Variants in RFPL1 observed in about 807,000 individuals in gnomAD.
RFPL1 encodes the protein ret finger protein like 1.
In RFPL1, 6 loss-of-function variants were observed where a neutral mutation model predicts 9.6. The observed-to-expected ratio is 0.62, with a 90% CI of 0.34 to 1.23. The LOEUF (loss-of-function observed/expected upper bound fraction) is 1.23, where lower values mean the gene tolerates loss of function less well. Ranked by LOEUF, RFPL1 falls within the 50% of genes most tolerant of loss-of-function variation. The pLI is 0.03. For missense variants in RFPL1, 352 were observed against 398.4 expected (o/e 0.88, Z 0.99); for synonymous variants, 145 against 149.4 (o/e 0.97, Z 0.22).
chr22:29,426,987 C>A, the RFPL1 span, among the ~76,000 whole-genome samples: 7 of 152,182 alleles, frequency 4.6e-5, no homozygotes, highest in Non-Finnish European at 1.0e-4. Context: ...GCCTTTACAT[C>A]CATGAAATGG....
chr22:29,427,312 G>A, the RFPL1 span, among the ~76,000 whole-genome samples: 1 of 152,232 alleles, frequency 6.6e-6, no homozygotes, highest in Non-Finnish European at 1.5e-5. Context: ...GGCACAAGGT[G>A]GGGGCTGAGC....
At chr22:29,433,149 C>T in the RFPL1 span, among the ~76,000 whole-genome samples, 1 of 151,762 alleles carries the variant, frequency 6.6e-6, no homozygotes, top group Admixed American at 6.6e-5. Flanking sequence ...AAAAATTAGC[C>T]GGGTGCTGTG....
chr22:29,405,002 T>G, the RFPL1 span, among the ~76,000 whole-genome samples: 1 of 152,168 alleles, frequency 6.6e-6, no homozygotes, highest in East Asian at 1.9e-4. Flanking sequence ...AATGTCAGGA[T>G]TACAGCCATG....
At chr22:29,420,626 GTTTTTTGCTTTTTTTTTT>G in the RFPL1 span, among the ~76,000 whole-genome samples, 10 of 82,588 alleles carry the variant, frequency 1.2e-4, no homozygotes, top group Admixed American at 3.2e-4. Context: ...ACTGCAGATG[GTTTTTTGCTTTTTTTTTT>G]TTTTTTTTTT....
the RFPL1 span, among the ~76,000 whole-genome samples, chr22:29,423,744 G>T: frequency 6.6e-6 from 1 of 152,168 alleles, no homozygotes; most frequent in Non-Finnish European, 1.5e-5. Flanking sequence ...AAAGGCTAGG[G>T]AGACTTCTCC....
At chr22:29,419,249 C>T in the RFPL1 span, 52 of 1,465,064 alleles carry the variant, frequency 3.5e-5, 1 homozygote, top group South Asian at 3.1e-4. Flanking sequence ...GCCTTCAGCT[C>T]GAAGATCTCC....
At chr22:29,424,840 C>T in the RFPL1 span, among the ~76,000 whole-genome samples, 1 of 113,454 alleles carries the variant, frequency 8.8e-6, no homozygotes, top group Non-Finnish European at 1.8e-5. Context: ...CCCACCCCCC[C>T]CCCCGCAAAA....
chr22:29,427,897 T>A, the RFPL1 span, among the ~76,000 whole-genome samples: 1 of 152,212 alleles, frequency 6.6e-6, no homozygotes, highest in African/African-American at 2.4e-5. Context: ...ACAACCTTGA[T>A]GTTACTCTAC....
At chr22:29,426,936 A>G in the RFPL1 span, among the ~76,000 whole-genome samples, 3 of 152,118 alleles carry the variant, frequency 2.0e-5, no homozygotes, top group African/African-American at 7.2e-5. Flanking sequence ...GGCCATTGAG[A>G]AGGTGGAGAC....
chr22:29,426,578 A>ACT, the RFPL1 span, among the ~76,000 whole-genome samples: 23 of 151,790 alleles, frequency 1.5e-4, no homozygotes, highest in African/African-American at 5.3e-4. Context: ...ATGGTGAAAC[A>ACT]CTCTCTCTCC....
chr22:29,406,463 T>C, the RFPL1 span, among the ~76,000 whole-genome samples: 4 of 152,070 alleles, frequency 2.6e-5, no homozygotes, highest in East Asian at 7.7e-4. Flanking sequence ...ACAGAGGGGT[T>C]CATTTCACTC....
At chr22:29,399,237 T>G in the RFPL1 span, among the ~76,000 whole-genome samples, 1 of 149,154 alleles carries the variant, frequency 6.7e-6, no homozygotes, top group Admixed American at 6.9e-5. Flanking sequence ...TTTGTTTTTT[T>G]AAATGTGCTC....
chr22:29,399,055 AT>A, the RFPL1 span, among the ~76,000 whole-genome samples: 1 of 152,232 alleles, frequency 6.6e-6, no homozygotes, highest in African/African-American at 2.4e-5. Context: ...GGGCACAGGT[AT>A]TGAATGACTA....
exon 2 of RFPL1, chr22:29,441,966 T>C (rs1338391724): frequency 6.2e-7 from 1 of 1,614,028 alleles, no homozygotes; most frequent in African/African-American, 1.3e-5. Context: ...GTGGTTCCCA[T>C]GTCTATACAT....
At chr22:29,398,654 A>G in the RFPL1 span, among the ~76,000 whole-genome samples, 5 of 152,186 alleles carry the variant, frequency 3.3e-5, no homozygotes, top group African/African-American at 9.7e-5. Flanking sequence ...CGGGGCTGCT[A>G]TGTGGCCTAA....
At chr22:29,420,129 A>T in the RFPL1 span, among the ~76,000 whole-genome samples, 1 of 152,208 alleles carries the variant, frequency 6.6e-6, no homozygotes, top group Non-Finnish European at 1.5e-5. Context: ...TCAGGATTTC[A>T]CTTCCTGAGA....
the RFPL1 span, among the ~76,000 whole-genome samples, chr22:29,389,830 G>T: frequency 6.6e-6 from 1 of 150,976 alleles, no homozygotes; most frequent in Non-Finnish European, 1.5e-5. Flanking sequence ...ACAGGGTCTC[G>T]CTCTGTTGCC....
At chr22:29,387,953 C>G in the RFPL1 span, among the ~76,000 whole-genome samples, 1 of 152,228 alleles carries the variant, frequency 6.6e-6, no homozygotes, top group Non-Finnish European at 1.5e-5. Flanking sequence ...GTCTTAGAGG[C>G]TCCAACAAAC....
chr22:29,440,750 TG>T (rs2062834505), intron 1 of RFPL1: 1 of 151,886 alleles, frequency 6.6e-6, no homozygotes, highest in Admixed American at 6.6e-5. Flanking sequence ...TTTTTTTGTA[TG>T]TTTTTTAGTA....
Sources: allele counts gnomAD v4.1 joint callset (sites outside exome capture counted in the v4.1 genomes callset), GRCh38; gene constraint gnomAD v4.1.1; transcripts MANE v1.5; gene names NCBI Gene and HGNC (gene_info 2026-07-23, HGNC 2026-07-21).